Variants in ADRA1A observed in about 807,000 individuals in gnomAD.
The protein encoded by ADRA1A is alpha-1A adrenergic receptor.
In ADRA1A, 31 loss-of-function variants were observed where a neutral mutation model predicts 29.6. The observed-to-expected ratio is 1.05, with a 90% CI of 0.79 to 1.41. ADRA1A has a LOEUF of 1.41. Among genes scored for constraint, ADRA1A ranks in the 40% most tolerant of loss-of-function variants. The pLI, the probability that ADRA1A is intolerant of heterozygous loss-of-function variation, is 0.00. For synonymous variants in ADRA1A, 311 were observed against 254.3 expected (o/e 1.22, Z -2.12); for missense variants, 619 against 601.1 (o/e 1.03, Z -0.31).
At chr8:26,824,227 C>T (rs573039972) in intron 2 of ADRA1A, among the ~76,000 whole-genome samples, 29 of 151,676 alleles carry the variant, frequency 1.9e-4, no homozygotes, top group African/African-American at 3.9e-4. Flanking sequence ...TACAGAATCA[C>T]GAACAGTTTA....
chr8:26,802,217 G>A (rs1448876411), intron 2 of ADRA1A, among the ~76,000 whole-genome samples: 2 of 151,866 alleles, frequency 1.3e-5, no homozygotes, highest in Non-Finnish European at 2.9e-5. Flanking sequence ...CAAAAAAAAC[G>A]GACAAATGGG....
Position 26,823,793 on chromosome 8 carries a change from T to C in ADRA1A, c.883+40294A>G, listed in dbSNP as rs1383617247. Among the ~76,000 whole-genome samples, 1 of 152,156 alleles carries C rather than the reference T, an allele frequency of 6.6e-6. No homozygotes were observed. The highest frequency in any genetic ancestry group is 6.5e-5 in the Admixed American group (1 of 15,276). On this transcript the variant is annotated intron_variant, in intron 2 of 2. Coordinates refer to ENST00000380573, the MANE Select transcript of ADRA1A (RefSeq NM_000680.4). This position sits in a 1 kb window ranked among gnomAD's most constrained non-coding sequence, Gnocchi z 4.2. The stretch of plus-strand genomic sequence containing the variant: ...CACTCTCTGATGTGTGTTATAATTA[T>C]AGTTGTCAAGGTGAAGAACCCGAGG...
chr8:26,787,663 A>C lies in ADRA1A; in HGVS notation c.884-16997T>G, dbSNP rs1207754107. On this transcript the variant is annotated intron_variant, in intron 2 of 2. Coordinates refer to ENST00000380573, the MANE Select transcript of ADRA1A (RefSeq NM_000680.4). This position sits in a 1 kb window ranked among gnomAD's most constrained non-coding sequence, Gnocchi z 4.2. Reference sequence around the variant, plus strand: ...ATAAAAATATCAATGCCTGACACAGACTTCTTAGTTCTTAGTACTTGTTCC... The same window carrying C: ...ATAAAAATATCAATGCCTGACACAGCCTTCTTAGTTCTTAGTACTTGTTCC... 6.6e-6 allele frequency among the ~76,000 whole-genome samples: 1 copy of C among 151,964 alleles called. No individual in the cohort carries two copies. The highest frequency in any genetic ancestry group is 1.5e-5 in the Non-Finnish European group (1 of 68,018).
chr8:26,776,985 A>G (rs1038863148), intron 2 of ADRA1A, among the ~76,000 whole-genome samples: 4 of 152,202 alleles, frequency 2.6e-5, no homozygotes, highest in Non-Finnish European at 4.4e-5. Flanking sequence ...AAGGAGCTCC[A>G]GTGCCAGTAA....
chr8:26,779,777 G>A (rs1003787374), intron 2 of ADRA1A, among the ~76,000 whole-genome samples: 1 of 152,194 alleles, frequency 6.6e-6, no homozygotes, highest in African/African-American at 2.4e-5. Flanking sequence ...AAGCGGGAAT[G>A]GAATTAGCTC....
intron 2 of ADRA1A, among the ~76,000 whole-genome samples, chr8:26,783,722 A>C (rs1164966220): frequency 6.6e-6 from 1 of 152,256 alleles, no homozygotes; most frequent in Non-Finnish European, 1.5e-5. Flanking sequence ...TCAAAGATAC[A>C]TGCGTGTGTA....
chr8:26,816,081 C>T (rs891146532), intron 2 of ADRA1A, among the ~76,000 whole-genome samples: 15 of 152,158 alleles, frequency 9.9e-5, no homozygotes, highest in Non-Finnish European at 1.5e-4. Context: ...AGCAGCATCC[C>T]GAGGAGTCGT....
chr8:26,759,373 CT>C (rs199869559), intron 2 of ADRA1A, among the ~76,000 whole-genome samples: 10 of 151,444 alleles, frequency 6.6e-5, no homozygotes, highest in Non-Finnish European at 8.9e-5. Flanking sequence ...AAGTATGACT[CT>C]TTTTTTTTAA....
intron 2 of ADRA1A, among the ~76,000 whole-genome samples, chr8:26,820,614 T>C (rs1810096450): frequency 6.6e-6 from 1 of 152,160 alleles, no homozygotes; most frequent in African/African-American, 2.4e-5. Flanking sequence ...TCTTTGCACC[T>C]TACACTTTCT....
intron 2 of ADRA1A, among the ~76,000 whole-genome samples, chr8:26,849,983 T>TA (rs1213345730): frequency 1.4e-4 from 15 of 103,802 alleles, no homozygotes; most frequent in Middle Eastern, 5.3e-3. Flanking sequence ...AAATGGAAAT[T>TA]TAAAAAAAAA....
chr8:26,782,932 T>C (rs1426970960), intron 2 of ADRA1A, among the ~76,000 whole-genome samples: 2 of 152,138 alleles, frequency 1.3e-5, no homozygotes, highest in Admixed American at 1.3e-4. Flanking sequence ...TCCTCAACCG[T>C]CCACTCTCCA....
intron 2 of ADRA1A, chr8:26,771,878 T>A (rs1456306025): frequency 6.6e-6 from 1 of 152,588 alleles, no homozygotes; most frequent in African/African-American, 2.4e-5. Flanking sequence ...AAGGTCAATG[T>A]CGTTTCTAAA....
rs1435503944 is a variant in ADRA1A, at chr8:26,806,417, A to G, written c.884-35751T>C. Reference sequence around the variant, plus strand: ...ATAGTGGCCTTAGGTAAGGAAAAAAAAAGAGCATGATTCAAGTTTTCTGTG... The same window carrying G: ...ATAGTGGCCTTAGGTAAGGAAAAAAGAAGAGCATGATTCAAGTTTTCTGTG... On this transcript the variant is annotated intron_variant, in intron 2 of 2. Coordinates refer to ENST00000380573, the MANE Select transcript of ADRA1A (RefSeq NM_000680.4). This position sits in a 1 kb window ranked among gnomAD's most constrained non-coding sequence, Gnocchi z 4.6. Among the ~76,000 whole-genome samples the G allele has an allele frequency of 6.6e-6, 1 of 152,174 alleles. No homozygotes were observed. The highest frequency in any genetic ancestry group is 1.9e-4 in the East Asian group (1 of 5,194).
In ADRA1A at chr8:26,860,658, A is replaced by G. The variant is rs1813385622; in HGVS notation, c.883+3429T>C. 1.3e-5 allele frequency among the ~76,000 whole-genome samples: 2 copies of G among 152,100 alleles called. No homozygotes were observed. The highest frequency in any genetic ancestry group is 4.8e-5 in the African/African-American group (2 of 41,422). ...CTCTCTTAGCTGATGACCTTGCTTC[A>G]TATTTCACTGAGGACATAAACATAT... On this transcript the variant is annotated intron_variant, in intron 2 of 2. Transcript: ENST00000380573. This position sits in a 1 kb window ranked among gnomAD's most constrained non-coding sequence, Gnocchi z 4.7.
At chr8:26,783,362 C>T (rs956458472) in intron 2 of ADRA1A, among the ~76,000 whole-genome samples, 3 of 152,074 alleles carry the variant, frequency 2.0e-5, no homozygotes, top group African/African-American at 7.2e-5. Flanking sequence ...TGATCATTTG[C>T]GTGACTGTTA....
chr8:26,774,253 C>G (rs563123435), intron 2 of ADRA1A, among the ~76,000 whole-genome samples: 1 of 152,324 alleles, frequency 6.6e-6, no homozygotes, highest in South Asian at 2.1e-4. Flanking sequence ...GTATTCTTCC[C>G]TTGTGATGGG....
intron 2 of ADRA1A, among the ~76,000 whole-genome samples, chr8:26,839,142 A>G (rs1054602081): frequency 6.0e-5 from 9 of 150,404 alleles, no homozygotes; most frequent in African/African-American, 2.2e-4. Context: ...GTGGTGCTTC[A>G]CTTCTCTGTG....
chr8:26,753,994 T>C (rs1398143026), downstream of ADRA1A, among the ~76,000 whole-genome samples: 1 of 152,266 alleles, frequency 6.6e-6, no homozygotes, highest in African/African-American at 2.4e-5. Flanking sequence ...CCATGAAGTA[T>C]ATTTTTTCAA....
chr8:26,819,965 C>A (rs1810038685), intron 2 of ADRA1A, among the ~76,000 whole-genome samples: 1 of 151,946 alleles, frequency 6.6e-6, no homozygotes, highest in South Asian at 2.1e-4. Flanking sequence ...ATACTTACAC[C>A]AGACAAAATG....
Sources: gnomAD v4.1 joint callset for allele counts (sites outside exome capture counted in the v4.1 genomes callset) on GRCh38, gnomAD v4.1.1 for gene constraint, Gnocchi (gnomAD v3.1) non-coding constraint, MANE v1.5 for transcripts, NCBI Gene and HGNC (gene_info 2026-07-23, HGNC 2026-07-21) for gene names.